Variants in CACNB4 observed in about 807,000 individuals in gnomAD.
The protein encoded by CACNB4 is voltage-dependent L-type calcium channel subunit beta-4.
CACNB4 carries 32 observed loss-of-function variants against 71.2 expected under a neutral mutation model. The ratio of observed to expected loss-of-function variants is 0.45; its 90% CI spans 0.34 to 0.60. CACNB4 has a LOEUF of 0.60. CACNB4 is among the 20% of genes least tolerant of loss of function. The pLI, the probability that CACNB4 is intolerant of heterozygous loss-of-function variation, is 0.01. For missense variants in CACNB4, 464 were observed against 647.9 expected (o/e 0.72, Z 3.08); for synonymous variants, 231 against 236.9 (o/e 0.97, Z 0.23).
intron 2 of CACNB4, among the ~76,000 whole-genome samples, chr2:151,931,045 C>T (rs1272119589): frequency 6.6e-6 from 1 of 152,134 alleles, no homozygotes; most frequent in African/African-American, 2.4e-5. Context: ...GCAGAAAACA[C>T]AAAACATGCC....
chr2:151,868,210 T>C (rs191442822), intron 9 of CACNB4: 13 of 152,310 alleles, frequency 8.5e-5, no homozygotes, highest in Admixed American at 6.5e-4. Flanking sequence ...TTAAAATTAT[T>C]TTGTGCATTT....
At chr2:152,019,535 G>C (rs957356615) in intron 2 of CACNB4, among the ~76,000 whole-genome samples, 1 of 152,128 alleles carries the variant, frequency 6.6e-6, no homozygotes, top group Admixed American at 6.5e-5. Context: ...GGATGAATGA[G>C]TGGGTGGATG....
intron 2 of CACNB4, among the ~76,000 whole-genome samples, chr2:151,979,208 C>T (rs987488198): frequency 4.6e-5 from 7 of 151,994 alleles, no homozygotes; most frequent in Non-Finnish European, 7.4e-5. Context: ...GAGAAACAAG[C>T]GGAGACAGGG....
chr2:151,911,230 A>T (rs2099856087), intron 2 of CACNB4, among the ~76,000 whole-genome samples: 1 of 152,146 alleles, frequency 6.6e-6, no homozygotes, highest in African/African-American at 2.4e-5. Flanking sequence ...CTACATATTA[A>T]ATCATGCCAT....
At chr2:151,888,223 A>G (rs1428408094) in intron 2 of CACNB4, among the ~76,000 whole-genome samples, 1 of 152,170 alleles carries the variant, frequency 6.6e-6, no homozygotes, top group Non-Finnish European at 1.5e-5. Context: ...GGCAAATCGT[A>G]AAATTACAGC....
intron 2 of CACNB4, among the ~76,000 whole-genome samples, chr2:151,935,804 C>T (rs913429514): frequency 3.5e-4 from 53 of 152,280 alleles, no homozygotes; most frequent in Admixed American, 6.5e-5. Context: ...TCTTCAAGAT[C>T]GGATGTGTTC....
chr2:151,962,795 T>C (rs1262723630), intron 2 of CACNB4: 1 of 152,150 alleles, frequency 6.6e-6, no homozygotes, highest in African/African-American at 2.4e-5. Context: ...AACAAACGCT[T>C]GAAAGAAATT....
intron 2 of CACNB4, among the ~76,000 whole-genome samples, chr2:152,061,405 C>T (rs940285203): frequency 6.6e-6 from 1 of 152,124 alleles, no homozygotes; most frequent in East Asian, 1.9e-4. Context: ...CAAATGATTA[C>T]TAATTGAATA....
At chr2:152,030,261 A>G (rs1684210677) in intron 2 of CACNB4, among the ~76,000 whole-genome samples, 1 of 152,200 alleles carries the variant, frequency 6.6e-6, no homozygotes, top group African/African-American at 2.4e-5. Context: ...GACAAAAGAA[A>G]CACAACATTG....
intron 2 of CACNB4, among the ~76,000 whole-genome samples, chr2:151,980,183 T>C (rs1012839422): frequency 6.6e-6 from 1 of 152,234 alleles, no homozygotes; most frequent in African/African-American, 2.4e-5. Flanking sequence ...TAAATGCTTG[T>C]TTAGCACCTA....
At chr2:151,907,907 AGAGTAG>A (rs1293940209) in intron 2 of CACNB4, among the ~76,000 whole-genome samples, 2 of 152,224 alleles carry the variant, frequency 1.3e-5, no homozygotes, top group Non-Finnish European at 2.9e-5. Context: ...AAACTGAGGT[AGAGTAG>A]AGATCATTGC....
chr2:152,098,495 G>T lies in CACNB4; in HGVS notation c.64-82C>A. On this transcript the variant is annotated intron_variant, in intron 1 of 13. Transcript: ENST00000539935. The surrounding 1 kb of genome is among the most constrained non-coding windows in gnomAD (Gnocchi z 5.3). ...GGGCGACCACCCCCGGCTGGAGTCC[G>T]CCTCCGGACCCGCTCCCTGGGGTCC... is the stretch of plus-strand genomic sequence containing the variant. The T allele has an allele frequency of 7.1e-7, 1 of 1,409,660 alleles. No individual in the cohort carries two copies. The highest frequency in any genetic ancestry group is 1.0e-6 in the Non-Finnish European group (1 of 995,880). The allele number at this position is 1,409,660 out of a possible 1,614,324, so 87.3% of individuals were successfully genotyped here.
intron 2 of CACNB4, among the ~76,000 whole-genome samples, chr2:152,024,058 G>A (rs1419095161): frequency 1.3e-5 from 2 of 152,220 alleles, no homozygotes; most frequent in Non-Finnish European, 2.9e-5. Flanking sequence ...AGTGGCTCAC[G>A]CCTGCAAGCC....
In CACNB4 at chr2:151,887,022, G is replaced by A. The variant is rs551207944; in HGVS notation, c.148-3652C>T. Among the ~76,000 whole-genome samples, 3 of 152,272 alleles carry A rather than the reference G, an allele frequency of 2.0e-5. No individual in the cohort carries two copies. The South Asian group carries it at 6.2e-4, about 32-fold the overall frequency. On this transcript the variant is annotated intron_variant, in intron 2 of 13. Coordinates refer to ENST00000539935, the MANE Select transcript of CACNB4 (RefSeq NM_000726.5). ...AGTGGCCATGCAAGGCTTAGTAAGA[G>A]CAGGACAGGTTGGAGAGGCGTCACC...
intron 5 of CACNB4, among the ~76,000 whole-genome samples, 157 bp downstream of exon 5, chr2:151,876,269 T>C (rs1253692530): frequency 6.6e-6 from 1 of 152,118 alleles, no homozygotes; most frequent in East Asian, 1.9e-4. Context: ...GGCTTCAGCA[T>C]GCACAGAGGA....
chr2:151,934,937 C>T (rs2099862561), intron 2 of CACNB4, among the ~76,000 whole-genome samples: 1 of 152,218 alleles, frequency 6.6e-6, no homozygotes, highest in African/African-American at 2.4e-5. Context: ...CATGTTATGA[C>T]TAAACACACA....
chr2:151,984,838 A>C (rs563180265), intron 2 of CACNB4, among the ~76,000 whole-genome samples: 2 of 152,256 alleles, frequency 1.3e-5, no homozygotes, highest in Admixed American at 6.5e-5. Flanking sequence ...CATACTTCTC[A>C]TATTTCGTAT....
chr2:151,988,680 C>T (rs1215143865), intron 2 of CACNB4, among the ~76,000 whole-genome samples: 1 of 152,116 alleles, frequency 6.6e-6, no homozygotes, highest in East Asian at 1.9e-4. Context: ...CACCTCCCTG[C>T]CATATCCTTG....
chr2:152,015,056 C>T (rs146331641), intron 2 of CACNB4, among the ~76,000 whole-genome samples: 112 of 152,262 alleles, frequency 7.4e-4, no homozygotes, highest in African/African-American at 2.7e-3. Flanking sequence ...ATGTAAGCCC[C>T]AAAACCTTCA....
Sources: gnomAD v4.1 joint callset for allele counts (sites outside exome capture counted in the v4.1 genomes callset) on GRCh38, gnomAD v4.1.1 for gene constraint, Gnocchi (gnomAD v3.1) non-coding constraint, MANE v1.5 for transcripts, NCBI Gene and HGNC (gene_info 2026-07-23, HGNC 2026-07-21) for gene names.